FLG2: variants seen among roughly 807,000 people sequenced by gnomAD.
The protein encoded by FLG2 is filaggrin 2.
A neutral mutation model predicts 3.9 loss-of-function variants in FLG2; 7 were observed. That is an observed-to-expected ratio of 1.79 (90% CI 1.02 to 3.36). The LOEUF (loss-of-function observed/expected upper bound fraction) is 3.36, where lower values mean the gene tolerates loss of function less well. Among genes scored for constraint, FLG2 ranks in the 30% most tolerant of loss-of-function variants. The pLI is 0.00. For synonymous variants in FLG2, 1,031 were observed against 1,056.1 expected (o/e 0.98, Z 0.46); for missense variants, 2,700 against 2,809.4 (o/e 0.96, Z 0.88).
In FLG2 at chr1:152,356,174, A is replaced by G; in HGVS notation, c.1612T>C (p.Ser538Pro). 4 of 1,613,824 alleles carry G rather than the reference A, an allele frequency of 2.5e-6. No homozygotes were observed. Among genetic ancestry groups the G allele is most frequent in the Non-Finnish European group, 3.4e-6 (4 of 1,179,998 alleles). The part of the protein sequence containing the change: ...SSGFGQHESR[S>P]RQSSYGQHGS... ...TGTTGGCCATAGCTAGACTGACGTG[A>G]TCTAGACTCATGTTGTCCAAAACCA... Residue 538 changes from serine to proline, a missense_variant, in exon 3 of 3, where the codon TCA (serine) becomes CCA (proline). Ser to Pro is a moderately conservative substitution (Grantham distance 74, BLOSUM62 -1). Transcript: ENST00000388718.
Position 152,354,245 on chromosome 1 carries a change from G to C in FLG2, c.3541C>G (p.Gln1181Glu). 6.2e-7 allele frequency: 1 copy of C among 1,614,026 alleles called. No homozygotes were observed. Among genetic ancestry groups the C allele is most frequent in the Non-Finnish European group, 8.5e-7 (1 of 1,179,940 alleles). ...SGSGPTTSFG[Q>E]HVSGSDNFSS... is the part of the protein sequence containing the mutation. The stretch of plus-strand genomic sequence containing the variant: ...AAATTGTCTGAGCCAGACACATGCT[G>C]TCCAAAACTTGTGGTTGGACCTGAG... The change falls in exon 3 of 3, where the codon CAG becomes GAG. Residue 1181 changes from glutamine (Q) to glutamate (E), a missense_variant. Coordinates refer to ENST00000388718, the MANE Select transcript of FLG2 (RefSeq NM_001014342.3).
chr1:152,350,822 A>G lies in FLG2; in HGVS notation c.6964T>C (p.Ser2322Pro), dbSNP rs140628166. The G allele has an allele frequency of 5.0e-6, 8 of 1,614,018 alleles. No homozygotes were observed. The African/African-American group carries it at 9.3e-5, about 19-fold the overall frequency. Residue 2322 changes from serine to proline, a missense_variant, in exon 3 of 3, where the codon TCT (serine) becomes CCT (proline). Coordinates refer to ENST00000388718, the MANE Select transcript of FLG2 (RefSeq NM_001014342.3). The part of the protein sequence containing the change: ...YGQSTQTGSR[S>P]SRASHFQSHS... ...GACTGAAAATGACTTGCTCTACTAG[A>G]TCTGGAACCTGTCTGTGTGGATTGT...
In FLG2 at chr1:152,350,542, T is replaced by C; in HGVS notation, c.*68A>G. On this transcript the variant is annotated 3_prime_UTR_variant, in exon 3 of 3. Transcript: ENST00000388718. ...ATAACTTACCATTGACTGTTCATGA[T>C]TTAAACTGTGTCTTCCTGTTCTTTT... 1.3e-6 allele frequency: 2 copies of C among 1,536,750 alleles called. No individual in the cohort carries two copies. Among genetic ancestry groups the C allele is most frequent in the Non-Finnish European group, 8.8e-7 (1 of 1,141,266 alleles).
In FLG2 at chr1:152,352,997, G is replaced by A. The variant is rs575700744; in HGVS notation, c.4789C>T (p.His1597Tyr). 3 of 1,613,326 alleles carry A rather than the reference G, an allele frequency of 1.9e-6. No individual in the cohort carries two copies. The highest frequency in any genetic ancestry group is 4.5e-5 in the East Asian group (2 of 44,806). Residue 1597 changes from histidine to tyrosine, a missense_variant, in exon 3 of 3, where the codon CAC becomes TAC. Transcript: ENST00000388718. ...GGSHRPHSREHTYGQAGSQHE... is the reference protein window; with the variant it reads ...GGSHRPHSREYTYGQAGSQHE... ...TGAGATCCGGCTTGGCCGTAAGTGTGTTCTCGTGAGTGTGGTCTGTGTGAG... is the reference window on the plus strand; with the variant it reads ...TGAGATCCGGCTTGGCCGTAAGTGTATTCTCGTGAGTGTGGTCTGTGTGAG...
chr1:152,354,817 T>C lies in FLG2; in HGVS notation c.2969A>G (p.His990Arg). Reference protein sequence around the residue: ...GSGKSSGFGQHESRSSQSNYG... With the variant: ...GSGKSSGFGQRESRSSQSNYG... ...ATTAGACTGACTTGATCTAGACTCA[T>C]GCTGTCCAAAGCCAGAGGATTTTCC... The change falls in exon 3 of 3, where the codon CAT (histidine) becomes CGT (arginine). Residue 990 changes from histidine (H) to arginine (R), a missense_variant. By Grantham distance (29) the His-to-Arg change is conservative. Coordinates refer to ENST00000388718, the MANE Select transcript of FLG2 (RefSeq NM_001014342.3). 1 of 1,613,498 alleles carries C rather than the reference T, an allele frequency of 6.2e-7. No homozygotes were observed. The highest frequency in any genetic ancestry group is 8.5e-7 in the Non-Finnish European group (1 of 1,179,932).
rs1314951351 is a variant in FLG2, at chr1:152,353,443, C to A, written c.4343G>T (p.Gly1448Val). 1.9e-6 allele frequency: 3 copies of A among 1,612,364 alleles called. No individual in the cohort carries two copies. ...HRPQSQEQTHGQAGSQHGESG... is the reference protein window; with the variant it reads ...HRPQSQEQTHVQAGSQHGESG... ...CTCTCCATGTTGAGATCCGGCTTGGCCATGAGTTTGTTCTTGTGATTGTGG... is the reference window on the plus strand; with the variant it reads ...CTCTCCATGTTGAGATCCGGCTTGGACATGAGTTTGTTCTTGTGATTGTGG... Residue 1448 changes from glycine to valine, a missense_variant, in exon 3 of 3, where the codon GGC (glycine) becomes GTC (valine). Physicochemically the swap from Gly to Val is moderately radical, Grantham distance 109. Coordinates refer to ENST00000388718, the MANE Select transcript of FLG2 (RefSeq NM_001014342.3).
In FLG2 at chr1:152,355,480, C is replaced by A; in HGVS notation, c.2306G>T (p.Ser769Ile). 1 of 1,612,724 alleles carries A rather than the reference C, an allele frequency of 6.2e-7. No homozygotes were observed. Among genetic ancestry groups the A allele is most frequent in the Non-Finnish European group, 8.5e-7 (1 of 1,179,770 alleles). ...GQHESRSGQS[S>I]YGQHSSGSSQ... is the part of the protein sequence containing the mutation. The stretch of plus-strand genomic sequence containing the variant: ...TGAGCCAGAACTGTGTTGGCCATAG[C>A]TAGACTGACCTGATCTAGACTCATG... Residue 769 changes from serine (S) to isoleucine (I), a missense_variant, in exon 3 of 3, where the codon AGC becomes ATC. Coordinates refer to ENST00000388718, the MANE Select transcript of FLG2 (RefSeq NM_001014342.3).
chr1:152,355,393 C>A lies in FLG2; in HGVS notation c.2393G>T (p.Gly798Val), dbSNP rs372187065. ...GCCAGTGGATTGACTTGAGCCTGAC[C>A]CATGTTGTCCAAAGCCAGATGTCTG... ...SRQTSGFGQHGSGSSQSTGFG... is the reference protein window; with the variant it reads ...SRQTSGFGQHVSGSSQSTGFG... The change falls in exon 3 of 3, where the codon GGG (glycine) becomes GTG (valine). Residue 798 changes from glycine to valine, a missense_variant. By Grantham distance (109) the Gly-to-Val change is moderately radical (BLOSUM62 -3). Transcript: ENST00000388718. 4 of 1,609,560 alleles carry A rather than the reference C, an allele frequency of 2.5e-6. No individual in the cohort carries two copies. Among genetic ancestry groups the A allele is most frequent in the East Asian group, 4.5e-5 (2 of 44,644 alleles).
Position 152,350,201 on chromosome 1 carries a change from C to T in FLG2, c.*409G>A, listed in dbSNP as rs1653855089. The stretch of plus-strand genomic sequence containing the variant: ...CCTATTGTATTGAACTCTAACTTCC[C>T]ATGCCTAGATCCTAATTGCTCATGA... On this transcript the variant is annotated 3_prime_UTR_variant, in exon 3 of 3. Coordinates refer to ENST00000388718, the MANE Select transcript of FLG2 (RefSeq NM_001014342.3). 9.8e-6 allele frequency: 2 copies of T among 203,574 alleles called. No homozygotes were observed. The highest frequency in any genetic ancestry group is 2.0e-5 in the Non-Finnish European group (2 of 100,054). The allele number at this position is 203,574 out of a possible 1,614,324, so 12.6% of individuals were successfully genotyped here.
chr1:152,351,959 T>C lies in FLG2; in HGVS notation c.5827A>G (p.Thr1943Ala). ...CTTCTTCCAGTTGTCCTGGACCCTG[T>C]CTGTATGGTTTGTCCATGACTAGGG... Reference protein sequence around the residue: ...GHPSHGQTIQTGSRTTGRRGS... With the variant: ...GHPSHGQTIQAGSRTTGRRGS... Residue 1943 changes from threonine (T) to alanine (A), a missense_variant, in exon 3 of 3, where the codon ACA (threonine) becomes GCA (alanine). Thr to Ala is a moderately conservative substitution (Grantham distance 58). Coordinates refer to ENST00000388718, the MANE Select transcript of FLG2 (RefSeq NM_001014342.3). The C allele has an allele frequency of 6.2e-7, 1 of 1,612,770 alleles. No individual in the cohort carries two copies. The highest frequency in any genetic ancestry group is 8.5e-7 in the Non-Finnish European group (1 of 1,179,662).
rs750703491 is a variant in FLG2 at position 152,355,396 on chromosome 1, T to C, written c.2390A>G (p.His797Arg). ...GSRQTSGFGQHGSGSSQSTGF... is the reference protein window; with the variant it reads ...GSRQTSGFGQRGSGSSQSTGF... ...AGTGGATTGACTTGAGCCTGACCCA[T>C]GTTGTCCAAAGCCAGATGTCTGTCT... is the stretch of plus-strand genomic sequence containing the variant. The change falls in exon 3 of 3, where the codon CAT (histidine) becomes CGT (arginine). Residue 797 changes from histidine to arginine, a missense_variant. Transcript: ENST00000388718. The C allele has an allele frequency of 5.6e-6, 9 of 1,612,844 alleles. No individual in the cohort carries two copies. Among genetic ancestry groups the C allele is most frequent in the Non-Finnish European group, 7.6e-6 (9 of 1,179,796 alleles).
chr1:152,358,930 C>T, intron 1 of FLG2, 24 bp from the exon 2 acceptor site: 2 of 1,570,964 alleles, frequency 1.3e-6, no homozygotes, highest in East Asian at 4.5e-5. Context: ...AACAAAGAAC[C>T]CTATTATTCA....
Position 152,350,508 on chromosome 1 carries a change from T to G in FLG2, c.*102A>C. The G allele has an allele frequency of 3.6e-6, 5 of 1,403,242 alleles. No homozygotes were observed. The highest frequency in any genetic ancestry group is 4.8e-6 in the Non-Finnish European group (5 of 1,042,888). 86.9% of individuals were successfully genotyped at this position (1,403,242 alleles called of 1,614,324 possible). A position where few individuals can be genotyped will look rare whatever the true frequency, so the allele number is the denominator to read the frequency against. ...GTCGAGACTGATACTGAGAATCAACTGAATGTTCATAACTTACCATTGACT... is the reference window on the plus strand; with the variant it reads ...GTCGAGACTGATACTGAGAATCAACGGAATGTTCATAACTTACCATTGACT... On this transcript the variant is annotated 3_prime_UTR_variant, in exon 3 of 3. Transcript: ENST00000388718.
In FLG2 at chr1:152,350,914, T is replaced by G. The variant is rs1335110445; in HGVS notation, c.6872A>C (p.His2291Pro). 10 of 1,613,782 alleles carry G rather than the reference T, an allele frequency of 6.2e-6. No homozygotes were observed. Among genetic ancestry groups the G allele is most frequent in the African/African-American group, 2.7e-5 (2 of 74,816 alleles). Residue 2291 changes from histidine to proline, a missense_variant, in exon 3 of 3, where the codon CAT becomes CCT. By Grantham distance (77) the His-to-Pro change is moderately conservative (BLOSUM62 -2). Coordinates refer to ENST00000388718, the MANE Select transcript of FLG2 (RefSeq NM_001014342.3). Reference sequence around the variant, plus strand: ...TCCATGAGTAGTTTCCAGTCTCCCATGAACTGTGGATCCTGGCTGTCTTTG... The same window carrying G: ...TCCATGAGTAGTTTCCAGTCTCCCAGGAACTGTGGATCCTGGCTGTCTTTG... ...SQQRQPGSTV[H>P]GRLETTHGQT...
chr1:152,352,562 G>T lies in FLG2; in HGVS notation c.5224C>A (p.His1742Asn). Reference protein sequence around the residue: ...SDSEGYSGVSHTHSGHTHGQA... With the variant: ...SDSEGYSGVSNTHSGHTHGQA... ...CCATGAGTGTGTCCTGAATGTGTAT[G>T]TGAGACTCCTGAGTACCCTTCACTG... The change falls in exon 3 of 3, where the codon CAT becomes AAT. Residue 1742 changes from histidine to asparagine, a missense_variant. By Grantham distance (68) the His-to-Asn change is moderately conservative. Transcript: ENST00000388718. 1.2e-6 allele frequency: 2 copies of T among 1,613,838 alleles called. No homozygotes were observed. Among genetic ancestry groups the T allele is most frequent in the Non-Finnish European group, 1.7e-6 (2 of 1,179,932 alleles).
Position 152,351,506 on chromosome 1 carries a change from C to T in FLG2, c.6280G>A (p.Gly2094Arg). 3 of 1,612,182 alleles carry T rather than the reference C, an allele frequency of 1.9e-6. No individual in the cohort carries two copies. The South Asian group carries it at 3.3e-5, about 18-fold the overall frequency. Residue 2094 changes from glycine (G) to arginine (R), a missense_variant, in exon 3 of 3, where the codon GGG becomes AGG. Physicochemically the swap from Gly to Arg is moderately radical, Grantham distance 125 (BLOSUM62 -2). Transcript: ENST00000388718. ...CCCCTTCTTCCAGCTGTCCTTGACCCTCTCTGTGTGGACTGTCCATGACCA... is the reference window on the plus strand; with the variant it reads ...CCCCTTCTTCCAGCTGTCCTTGACCTTCTCTGTGTGGACTGTCCATGACCA... ...HSGHGQSTQR[G>R]SRTAGRRGSG...
At chr1:152,358,670 T>C in intron 2 of FLG2, 77 bp downstream of exon 2, 1 of 1,482,258 alleles carries the variant, frequency 6.7e-7, no homozygotes, top group Admixed American at 2.3e-5. Context: ...GGCTGTGCAC[T>C]TTTTAGCTGA....
chr1:152,354,549 A>G lies in FLG2; in HGVS notation c.3237T>C (p.His1079=). 1 of 1,613,912 alleles carries G rather than the reference A, an allele frequency of 6.2e-7. No individual in the cohort carries two copies. The highest frequency in any genetic ancestry group is 8.5e-7 in the Non-Finnish European group (1 of 1,179,976). ...SRSRQSSYGQ[H]GSGSSQSSGY... is the part of the protein sequence containing the mutation. ...CAGATGATTGACTTGAGCCAGAACC[A>G]TGTTGGCCATAGCTAGACTGACGTG... Residue 1079 remains histidine (H), a synonymous_variant, in exon 3 of 3, where the codon CAT becomes CAC. Transcript: ENST00000388718.
At position 152,351,284 on chromosome 1, in the gene FLG2, T is replaced by C. The variant is rs1335019935; in HGVS notation, c.6502A>G (p.Thr2168Ala). 1 of 1,613,834 alleles carries C rather than the reference T, an allele frequency of 6.2e-7. No individual in the cohort carries two copies. The change falls in exon 3 of 3, where the codon ACA (threonine) becomes GCA (alanine). Residue 2168 changes from threonine (T) to alanine (A), a missense_variant. Physicochemically the swap from Thr to Ala is moderately conservative, Grantham distance 58. Transcript: ENST00000388718. ...GQSGHGQSTQ[T>A]GSRTTGRQRS... ...TGTCTTCCAGTTGTCCTGGAACCTG[T>C]CTGTGTGGACTGTCCATGACCAGAC...
Sources: gnomAD v4.1 joint callset for allele counts on GRCh38, gnomAD v4.1.1 for gene constraint, MANE v1.5 for transcripts, NCBI Gene and HGNC (gene_info 2026-07-23, HGNC 2026-07-21) for gene names.